Variants in CNBD1 observed in about 807,000 individuals in gnomAD.
CNBD1 encodes cyclic nucleotide binding domain containing 1.
A neutral mutation model predicts 54.4 loss-of-function variants in CNBD1; 71 were observed. The observed-to-expected ratio is 1.30, with a 90% CI of 1.08 to 1.59. The LOEUF (loss-of-function observed/expected upper bound fraction) is 1.59. Ranked by LOEUF, CNBD1 falls within the 40% of genes most tolerant of loss-of-function variation. The probability of loss-of-function intolerance (pLI) is 0.00; values close to 1 mark genes in which losing one functional copy is unlikely to be tolerated. For missense variants in CNBD1, 659 were observed against 518.0 expected (o/e 1.27, Z -2.64); for synonymous variants, 182 against 170.7 (o/e 1.07, Z -0.51).
chr8:87,029,436 G>T lies in CNBD1; in HGVS notation c.431+89682G>T, dbSNP rs149975802. On this transcript the variant is annotated intron_variant, in intron 4 of 10. Transcript: ENST00000518476. ...CCAAACTTATTCCAATTTTTGGGTG[G>T]TTATCATTTTGTGTAGTTATGTCAC... 6.4e-3 allele frequency among the ~76,000 whole-genome samples: 972 copies of T among 152,244 alleles called. 7 individuals are homozygous for T. Among genetic ancestry groups the T allele is most frequent in the Middle Eastern group, 0.02 (6 of 294 alleles).
At chr8:87,053,237 T>A (rs968466656) in intron 4 of CNBD1, among the ~76,000 whole-genome samples, 15 of 152,214 alleles carry the variant, frequency 9.9e-5, no homozygotes, top group African/African-American at 3.4e-4. Flanking sequence ...TCATTTGCCC[T>A]CCTGTCTGCA....
At chr8:87,241,085 C>G (rs1325736940) in intron 6 of CNBD1, among the ~76,000 whole-genome samples, 9 of 152,064 alleles carry the variant, frequency 5.9e-5, no homozygotes, top group Non-Finnish European at 8.8e-5. Context: ...CTTCAGGACT[C>G]TAAAAATTGT....
At chr8:87,351,215 T>C (rs965473922) in intron 8 of CNBD1, among the ~76,000 whole-genome samples, 1 of 152,212 alleles carries the variant, frequency 6.6e-6, no homozygotes, top group African/African-American at 2.4e-5. Flanking sequence ...AAAGCCCTTG[T>C]TTTAACTGCT....
chr8:87,227,320 A>T, intron 5 of CNBD1, among the ~76,000 whole-genome samples: 2 of 135,356 alleles, frequency 1.5e-5, no homozygotes, highest in African/African-American at 5.6e-5. Context: ...TAGTTGATGC[A>T]GTTTCTTCCT....
intron 4 of CNBD1, among the ~76,000 whole-genome samples, chr8:87,084,733 A>G (rs1182984063): frequency 2.0e-5 from 3 of 151,352 alleles, no homozygotes; most frequent in Non-Finnish European, 4.4e-5. Flanking sequence ...CTGGAGTGCA[A>G]TGGCACAATC....
intron 8 of CNBD1, among the ~76,000 whole-genome samples, chr8:87,327,808 C>T (rs111525024): frequency 2.4e-4 from 37 of 152,258 alleles, no homozygotes; most frequent in African/African-American, 7.0e-4. Context: ...TGTTCCTATT[C>T]GGCCATCTTG....
At chr8:87,056,944 T>A (rs939838700) in intron 4 of CNBD1, among the ~76,000 whole-genome samples, 2 of 152,242 alleles carry the variant, frequency 1.3e-5, no homozygotes, top group African/African-American at 2.4e-5. Context: ...TTGTGTTACA[T>A]CTGTATAACT....
At chr8:87,098,476 C>T (rs1300473806) in intron 4 of CNBD1, among the ~76,000 whole-genome samples, 1 of 151,984 alleles carries the variant, frequency 6.6e-6, no homozygotes, top group Non-Finnish European at 1.5e-5. Flanking sequence ...TGAAATTAAT[C>T]CCAGCTGGGG....
At chr8:87,041,424 A>G (rs928458999) in intron 4 of CNBD1, among the ~76,000 whole-genome samples, 1 of 152,158 alleles carries the variant, frequency 6.6e-6, no homozygotes, top group Non-Finnish European at 1.5e-5. Context: ...TCGGTGTGAA[A>G]TAAGTATGGT....
At chr8:87,222,656 G>T (rs1479244859) in intron 5 of CNBD1, among the ~76,000 whole-genome samples, 1 of 152,084 alleles carries the variant, frequency 6.6e-6, no homozygotes, top group African/African-American at 2.4e-5. Flanking sequence ...TTAGCTGAAG[G>T]TCTTTGTACC....
chr8:87,087,708 C>T (rs577844958), intron 4 of CNBD1, among the ~76,000 whole-genome samples: 3 of 152,120 alleles, frequency 2.0e-5, no homozygotes, highest in South Asian at 2.1e-4. Context: ...CCTCGTGATC[C>T]GCCCGCCTCG....
chr8:87,018,694 C>T (rs1360139319), intron 4 of CNBD1, among the ~76,000 whole-genome samples: 2 of 152,148 alleles, frequency 1.3e-5, no homozygotes, highest in Non-Finnish European at 2.9e-5. Flanking sequence ...AAATCTCCCT[C>T]ATTTGGCATC....
chr8:86,959,512 A>C (rs1202793607), intron 4 of CNBD1, among the ~76,000 whole-genome samples: 1 of 152,094 alleles, frequency 6.6e-6, no homozygotes, highest in Admixed American at 6.6e-5. Context: ...TGGTCTTTTC[A>C]CATAGTCCCA....
chr8:87,390,415 C>G (rs940205832), intron 2 of CNBD1, among the ~76,000 whole-genome samples: 3 of 151,494 alleles, frequency 2.0e-5, no homozygotes, highest in African/African-American at 7.3e-5. Flanking sequence ...AAAACCCCAT[C>G]AAAAAGTGGG....
intron 8 of CNBD1, among the ~76,000 whole-genome samples, chr8:87,343,551 T>G (rs145850005): frequency 5.6e-4 from 86 of 152,338 alleles, no homozygotes; most frequent in African/African-American, 1.9e-3. Context: ...ATGTAACTTA[T>G]AACTATACTC....
chr8:87,041,224 G>T (rs1437427334), intron 4 of CNBD1, among the ~76,000 whole-genome samples: 1 of 152,100 alleles, frequency 6.6e-6, no homozygotes, highest in Non-Finnish European at 1.5e-5. Context: ...ATGACAGGAG[G>T]GGTAGGGGAG....
At chr8:87,225,173 A>T (rs1490738211) in intron 5 of CNBD1, among the ~76,000 whole-genome samples, 5 of 149,830 alleles carry the variant, frequency 3.3e-5, no homozygotes, top group Non-Finnish European at 5.9e-5. Context: ...TAGATATACA[A>T]TCATGTCATC....
chr8:87,404,051 G>C (rs899782053), intron 2 of CNBD1, among the ~76,000 whole-genome samples: 1 of 152,046 alleles, frequency 6.6e-6, no homozygotes, highest in Non-Finnish European at 1.5e-5. Flanking sequence ...CATGCATCCT[G>C]TTGAGGAATC....
intron 9 of CNBD1, among the ~76,000 whole-genome samples, chr8:87,352,925 C>G (rs1357545532): frequency 6.6e-6 from 1 of 152,104 alleles, no homozygotes; most frequent in African/African-American, 2.4e-5. Context: ...AATGCTTTAG[C>G]CTCTTCCAAG....
Sources: allele counts gnomAD v4.1 joint callset (sites outside exome capture counted in the v4.1 genomes callset), GRCh38; gene constraint gnomAD v4.1.1; transcripts MANE v1.5; gene names NCBI Gene and HGNC (gene_info 2026-07-23, HGNC 2026-07-21).